SREBF1: variants seen among roughly 807,000 people sequenced by gnomAD.
SREBF1 encodes the protein sterol regulatory element-binding protein 1.
In SREBF1, 45 loss-of-function variants were observed where a neutral mutation model predicts 100.1. The observed-to-expected ratio is 0.45, with a 90% CI of 0.35 to 0.58. The LOEUF is 0.58. SREBF1 is among the 20% of genes least tolerant of loss of function. The probability of loss-of-function intolerance (pLI) is 0.00; values close to 1 mark genes in which losing one functional copy is unlikely to be tolerated. For synonymous variants in SREBF1, 657 were observed against 681.8 expected (o/e 0.96, Z 0.57); for missense variants, 1,324 against 1,539.4 (o/e 0.86, Z 2.34).
Position 17,819,140 on chromosome 17 carries a change from G to A in SREBF1, c.941C>T (p.Ala314Val), listed in dbSNP as rs2033881230. Residue 314 changes from alanine to valine, a missense_variant, in exon 5 of 19, where the codon GCC (alanine) becomes GTC (valine). Ala to Val is a moderately conservative substitution (Grantham distance 64). Transcript: ENST00000261646. ...TCCACGGCTCTGGGCAGAGGCCGGG[G>A]CCTTGCTGCCAGCTGCGAGCCGGTT... ...PINRLAAGSKAPASAQSRGEK... is the reference protein window; with the variant it reads ...PINRLAAGSKVPASAQSRGEK... The A allele has an allele frequency of 2.5e-6, 4 of 1,614,144 alleles. No individual in the cohort carries two copies. The highest frequency in any genetic ancestry group is 3.4e-6 in the Non-Finnish European group (4 of 1,180,046).
chr17:17,818,222 A>C (rs775330185), intron 6 of SREBF1, 38 bp downstream of exon 6: 5 of 1,567,856 alleles, frequency 3.2e-6, no homozygotes, highest in Non-Finnish European at 4.4e-6. Context: ...AAGGCTAGAG[A>C]AGAGGCCAGA....
intron 1 of SREBF1, among the ~76,000 whole-genome samples, chr17:17,829,205 A>AAAAAAAAAAAAAAAATATAT (rs1210718799): frequency 1.2e-4 from 8 of 65,848 alleles, no homozygotes; most frequent in African/African-American, 7.0e-4. Flanking sequence ...AAAAAAAAAA[A>AAAAAAAAAAAAAAAATATAT]ATATATATAT....
At position 17,818,342 on chromosome 17, in the gene SREBF1, G is replaced by T. The variant is rs376423372; in HGVS notation, c.1101C>A (p.Ile367=). The change falls in exon 6 of 19, where the codon ATC becomes ATA. Residue 367 remains isoleucine (I), a synonymous_variant. Transcript: ENST00000261646. ...TGTGTTGCAGAAAGCGAATGTAGTCGATGGCCTTGCGCAAGACAGCAGATT... is the reference window on the plus strand; with the variant it reads ...TGTGTTGCAGAAAGCGAATGTAGTCTATGGCCTTGCGCAAGACAGCAGATT... ...LNKSAVLRKA[I]DYIRFLQHSN... 3 of 1,613,634 alleles carry T rather than the reference G, an allele frequency of 1.9e-6. No homozygotes were observed. The African/African-American group carries it at 4.0e-5, about 22-fold the overall frequency.
Position 17,812,829 on chromosome 17 carries a change from C to T in SREBF1, c.3237G>A (p.Pro1079=), listed in dbSNP as rs370555701. ...CCGCGTGCTCCCGCCGCGTGGGCCG[C>T]GGCTCCAGCTCCGCCACCGCGCCTG... is the stretch of plus-strand genomic sequence containing the variant. The part of the protein sequence containing the change: ...GKGGAVAELE[P]RPTRREHAEA... Residue 1079 remains proline, a synonymous_variant, in exon 19 of 19, where the codon CCG becomes CCA. Coordinates refer to ENST00000261646, the MANE Select transcript of SREBF1 (RefSeq NM_004176.5). 10 of 1,475,196 alleles carry T rather than the reference C, an allele frequency of 6.8e-6. No individual in the cohort carries two copies. The highest frequency in any genetic ancestry group is 2.5e-5 in the Admixed American group (1 of 39,910). 91.4% of individuals were successfully genotyped at this position (1,475,196 alleles called of 1,614,324 possible).
At chr17:17,827,814 A>G (rs573750330) in intron 1 of SREBF1, among the ~76,000 whole-genome samples, 11 of 152,252 alleles carry the variant, frequency 7.2e-5, no homozygotes, top group African/African-American at 2.4e-4. Context: ...AGTGAGCCCC[A>G]ACTCCGGCCT....
rs1300085768 is a variant in SREBF1, at chr17:17,812,300, G to A, written c.*322C>T. ...TTGGCTTCCGTCAGCACAGGGAAAT[G>A]TACCCCTCTCTTCCCTGTACACAGG... is the stretch of plus-strand genomic sequence containing the variant. On this transcript the variant is annotated 3_prime_UTR_variant, in exon 19 of 19. Transcript: ENST00000261646. 2.1e-6 allele frequency: 1 copy of A among 485,818 alleles called. No individual in the cohort carries two copies. The highest frequency in any genetic ancestry group is 3.7e-6 in the Non-Finnish European group (1 of 270,668). The allele number at this position is 485,818 out of a possible 1,614,324, so 30.1% of individuals were successfully genotyped here.
In SREBF1 at chr17:17,825,761, C is replaced by T. The variant is rs145115844; in HGVS notation, c.92-5240G>A. Among the ~76,000 whole-genome samples the T allele has an allele frequency of 7.0e-4, 106 of 152,172 alleles. 2 individuals are homozygous for T. In the East Asian group the frequency reaches 0.02, roughly 29 times the overall value. Reference sequence around the variant, plus strand: ...TAGCTGGGATTACAGGTGTGCGCCACCACACCTGTAATGAAATGTAATTTT... The same window carrying T: ...TAGCTGGGATTACAGGTGTGCGCCATCACACCTGTAATGAAATGTAATTTT... On this transcript the variant is annotated intron_variant, in intron 1 of 18. Transcript: ENST00000261646.
In SREBF1 at chr17:17,813,428, G is replaced by A. The variant is rs533346781; in HGVS notation, c.3154C>T (p.Arg1052Trp). The change falls in exon 18 of 19, where the codon CGG (arginine) becomes TGG (tryptophan). Residue 1052 changes from arginine (R) to tryptophan (W), a missense_variant. Arg to Trp is a moderately radical substitution (Grantham distance 101). Transcript: ENST00000261646. The stretch of plus-strand genomic sequence containing the variant: ...CTGCGGTCGAGGAGCTGGTGTGTCC[G>A]TGTGGGGCTGGCCCCCGCCATCAGC... Reference protein sequence around the residue: ...ARLMAGASPTRTHQLLDRSLR... With the variant: ...ARLMAGASPTWTHQLLDRSLR... The A allele has an allele frequency of 6.2e-6, 10 of 1,600,266 alleles. No homozygotes were observed. The highest frequency in any genetic ancestry group is 4.5e-5 in the East Asian group (2 of 44,120).
chr17:17,818,353 G>GC lies in SREBF1; in HGVS notation c.1089dup (p.Arg364AlafsTer57), dbSNP rs1567970890. 1 of 1,613,584 alleles carries GC rather than the reference G, an allele frequency of 6.2e-7. No individual in the cohort carries two copies. On this transcript the variant is annotated frameshift_variant, in exon 6 of 19. Transcript: ENST00000261646. LOFTEE classifies it high-confidence loss of function. ...AAGCGAATGTAGTCGATGGCCTTGCGCAAGACAGCAGATTTATTCAGCTGC... is the reference window on the plus strand; with the variant it reads ...AAGCGAATGTAGTCGATGGCCTTGCGCCAAGACAGCAGATTTATTCAGCTGC...
chr17:17,836,701 T>C, intron 1 of SREBF1, 26 bp downstream of exon 1: 35 of 1,546,200 alleles, frequency 2.3e-5, no homozygotes, highest in Non-Finnish European at 3.0e-5. Context: ...CCGGCGCAGC[T>C]TCAAGCCCTG....
rs754177360 is a variant in SREBF1 at position 17,812,808 on chromosome 17, G to C, written c.3258C>G (p.His1086Gln). ...AGGAGGCCAGCAGCAAGGCCTCCGC[G>C]TGCTCCCGCCGCGTGGGCCGCGGCT... ...ELEPRPTRRE[H>Q]AEALLLASCY... Residue 1086 changes from histidine (H) to glutamine (Q), a missense_variant, in exon 19 of 19, where the codon CAC (histidine) becomes CAG (glutamine). Physicochemically the swap from His to Gln is conservative, Grantham distance 24. Transcript: ENST00000261646. The C allele has an allele frequency of 5.4e-5, 81 of 1,507,272 alleles. No individual in the cohort carries two copies. The highest frequency in any genetic ancestry group is 7.2e-5 in the Non-Finnish European group (81 of 1,131,038). The allele number at this position is 1,507,272 out of a possible 1,614,324, so 93.4% of individuals were successfully genotyped here.
intron 1 of SREBF1, among the ~76,000 whole-genome samples, chr17:17,825,636 C>A (rs543541214): frequency 1.6e-5 from 2 of 127,950 alleles, no homozygotes; most frequent in African/African-American, 3.0e-5. Flanking sequence ...GAGACAGAGT[C>A]TGGCTCTGTC....
In SREBF1 at chr17:17,836,765, G is replaced by C; in HGVS notation, c.53C>G (p.Pro18Arg). Reference sequence around the variant, plus strand: ...CAGCAGCGCCGCGTCCAGATCGCACGGCTCGCCCAGCGCCTGCTCCAAAGC... The same window carrying C: ...CAGCAGCGCCGCGTCCAGATCGCACCGCTCGCCCAGCGCCTGCTCCAAAGC... ...EAALEQALGE[P>R]CDLDAALLTD... The change falls in exon 1 of 19, where the codon CCG (proline) becomes CGG (arginine). Residue 18 changes from proline (P) to arginine (R), a missense_variant. Transcript: ENST00000261646. 1 of 1,570,832 alleles carries C rather than the reference G, an allele frequency of 6.4e-7. No individual in the cohort carries two copies. The highest frequency in any genetic ancestry group is 8.6e-7 in the Non-Finnish European group (1 of 1,166,382).
rs1017302211 is a variant in SREBF1 at position 17,836,723 on chromosome 17, G to T, written c.91+4C>A. 1.3e-6 allele frequency: 2 copies of T among 1,565,028 alleles called. No individual in the cohort carries two copies. Among genetic ancestry groups the T allele is most frequent in the African/African-American group, 2.7e-5 (2 of 74,200 alleles). On this transcript the variant is annotated splice_donor_region_variant and intron_variant, in intron 1 of 18. Coordinates refer to ENST00000261646, the MANE Select transcript of SREBF1 (RefSeq NM_004176.5). Reference sequence around the variant, plus strand: ...AGCTTCAAGCCCTGCCCGCCCTGACGCACCTTCGATGTCGGTCAGCAGCGC... The same window carrying T: ...AGCTTCAAGCCCTGCCCGCCCTGACTCACCTTCGATGTCGGTCAGCAGCGC...
chr17:17,833,420 C>CAAAAAA (rs56369932), intron 1 of SREBF1, among the ~76,000 whole-genome samples: 17 of 51,080 alleles, frequency 3.3e-4, no homozygotes, highest in African/African-American at 5.5e-4. Context: ...GACTCCGTCT[C>CAAAAAA]AAAAAAAAAA....
intron 1 of SREBF1, chr17:17,823,435 C>T: frequency 2.8e-6 from 3 of 1,052,640 alleles, no homozygotes; most frequent in Middle Eastern, 2.1e-4. Context: ...AGTTGCGTAG[C>T]CCGCATGCCC....
chr17:17,836,773 C>T lies in SREBF1; in HGVS notation c.45G>A (p.Leu15=). The T allele has an allele frequency of 6.4e-7, 1 of 1,568,522 alleles. No homozygotes were observed. Among genetic ancestry groups the T allele is most frequent in the Non-Finnish European group, 8.6e-7 (1 of 1,165,180 alleles). The change falls in exon 1 of 19, where the codon CTG becomes CTA. Residue 15 remains leucine (L), a synonymous_variant. Transcript: ENST00000261646. The part of the protein sequence containing the change: ...PFSEAALEQA[L]GEPCDLDAAL... ...CCGCGTCCAGATCGCACGGCTCGCCCAGCGCCTGCTCCAAAGCCGCCTCGC... is the reference window on the plus strand; with the variant it reads ...CCGCGTCCAGATCGCACGGCTCGCCTAGCGCCTGCTCCAAAGCCGCCTCGC...
intron 1 of SREBF1, among the ~76,000 whole-genome samples, chr17:17,832,107 A>T (rs1290459565): frequency 6.6e-6 from 1 of 152,108 alleles, no homozygotes; most frequent in African/African-American, 2.4e-5. Flanking sequence ...AGTGCTTAAG[A>T]GCTTAAGAGC....
intron 2 of SREBF1, 113 bp downstream of exon 2, chr17:17,819,977 G>T: frequency 7.9e-7 from 1 of 1,272,292 alleles, no homozygotes; most frequent in Non-Finnish European, 1.1e-6. Flanking sequence ...GCCGAGTGGA[G>T]CCCCAGTTTC....
Sources: gnomAD v4.1 joint callset for allele counts (sites outside exome capture counted in the v4.1 genomes callset) on GRCh38, gnomAD v4.1.1 for gene constraint, MANE v1.5 for transcripts, NCBI Gene and HGNC (gene_info 2026-07-23, HGNC 2026-07-21) for gene names.